Variants in TIGIT observed in about 807,000 individuals in gnomAD.
TIGIT encodes T-cell immunoreceptor with Ig and ITIM domains.
Under a neutral mutation model 19.6 loss-of-function variants are expected in TIGIT, and 11 were observed. The ratio of observed to expected loss-of-function variants is 0.56; its 90% CI spans 0.35 to 0.93. TIGIT has a LOEUF of 0.93. Among genes scored for constraint, TIGIT ranks in the 40% least tolerant of loss-of-function variants. The pLI is 0.01. For missense variants in TIGIT, 295 were observed against 303.9 expected (o/e 0.97, Z 0.22); for synonymous variants, 130 against 125.5 (o/e 1.04, Z -0.24).
intron 3 of TIGIT, among the ~76,000 whole-genome samples, chr3:114,300,135 A>G (rs13319989): frequency 0.62 from 94,288 of 152,048 alleles, 29,485 homozygotes; most frequent in East Asian, 0.91. Context: ...AAACACTCCA[A>G]AAATGTAGGG....
chr3:114,307,825 G>A (rs1207795718), intron 3 of TIGIT, 70 bp from the exon 4 acceptor site: 2 of 1,351,704 alleles, frequency 1.5e-6, no homozygotes, highest in Admixed American at 3.4e-5. Flanking sequence ...GGAAGAGAGA[G>A]ATGTCATATT....
In TIGIT at chr3:114,303,503, A is replaced by T. The variant is rs1001099678; in HGVS notation, c.498+3800A>T. Among the ~76,000 whole-genome samples the T allele has an allele frequency of 5.9e-5, 3 of 50,560 alleles. No individual in the cohort carries two copies. In the Admixed American group the frequency reaches 1.1e-3, roughly 18 times the overall value. The allele number at this position is 50,560 out of a possible 152,430, so 33.2% of individuals were successfully genotyped here. ...AGTATTCCATGGTGTGTATATATAT[A>T]TGTATATATATATACACATATATAT... On this transcript the variant is annotated intron_variant, in intron 3 of 3. Transcript: ENST00000383671.
intron 2 of TIGIT, 85 bp from the exon 3 acceptor site, chr3:114,299,512 C>T (rs1576138386): frequency 9.6e-7 from 1 of 1,038,534 alleles, no homozygotes. Context: ...ATCCTCCCCT[C>T]TCTGCCGTGA....
chr3:114,298,672 A>G (rs2078470443), intron 2 of TIGIT, among the ~76,000 whole-genome samples: 1 of 152,206 alleles, frequency 6.6e-6, no homozygotes, highest in Admixed American at 6.5e-5. Context: ...CAGGAGGAAC[A>G]TGTTCTGGGG....
At chr3:114,300,026 G>A (rs1172977471) in intron 3 of TIGIT, among the ~76,000 whole-genome samples, 1 of 152,088 alleles carries the variant, frequency 6.6e-6, no homozygotes. Flanking sequence ...TGCATCGTGG[G>A]CATCTATATA....
At chr3:114,303,573 GT>G (rs2078509118) in intron 3 of TIGIT, among the ~76,000 whole-genome samples, 1 of 46,668 alleles carries the variant, frequency 2.1e-5, no homozygotes. Flanking sequence ...ACATATATAT[GT>G]ATATATATAT....
rs2078479372 is a variant in TIGIT, at chr3:114,299,636, G to C, written c.431G>C (p.Gly144Ala). 1 of 1,613,380 alleles carries C rather than the reference G, an allele frequency of 6.2e-7. No homozygotes were observed. Among genetic ancestry groups the C allele is most frequent in the East Asian group, 2.2e-5 (1 of 44,878 alleles). ...HGARFQIPLL[G>A]AMAATLVVIC... ...GCCAGGTTCCAGATTCCATTGCTTG[G>C]AGCCATGGCCGCGACGCTGGTGGTC... is the stretch of plus-strand genomic sequence containing the variant. The change falls in exon 3 of 4, where the codon GGA becomes GCA. Residue 144 changes from glycine to alanine, a missense_variant. Physicochemically the swap from Gly to Ala is moderately conservative, Grantham distance 60. Transcript: ENST00000383671.
At chr3:114,296,528 A>G (rs2107947873) in intron 2 of TIGIT, among the ~76,000 whole-genome samples, 1 of 152,308 alleles carries the variant, frequency 6.6e-6, no homozygotes, top group East Asian at 1.9e-4. Context: ...TTCTCTGTGT[A>G]TCAGTTTTCT....
At chr3:114,307,432 GGAACCCCACGGTTT>G (rs1368897184) in intron 3 of TIGIT, 1 of 170,654 alleles carries the variant, frequency 5.9e-6, no homozygotes, top group Non-Finnish European at 1.3e-5. Flanking sequence ...AGAACCCTGG[GGAACCCCACGGTTT>G]GGGGAGCTGA....
In TIGIT at chr3:114,308,002, G is replaced by T. The variant is rs968341813; in HGVS notation, c.606G>T (p.Gln202His). 2.7e-5 allele frequency: 44 copies of T among 1,614,072 alleles called. No individual in the cohort carries two copies. Among genetic ancestry groups the T allele is most frequent in the Non-Finnish European group, 3.5e-5 (41 of 1,180,042 alleles). The change falls in exon 4 of 4, where the codon CAG becomes CAT. Residue 202 changes from glutamine to histidine, a missense_variant. Transcript: ENST00000383671. The part of the protein sequence containing the change: ...SAPSPPGSCV[Q>H]AEAAPAGLCG... ...CCTCACCCCCAGGAAGCTGTGTCCA[G>T]GCAGAAGCTGCACCTGCTGGGCTCT...
chr3:114,307,203 G>A (rs886158063), intron 3 of TIGIT, among the ~76,000 whole-genome samples: 24 of 152,198 alleles, frequency 1.6e-4, no homozygotes, highest in South Asian at 4.1e-4. Context: ...TGATGGTGTC[G>A]TTTGAGACAA....
At position 114,309,049 on chromosome 3, in the gene TIGIT, C is replaced by T. The variant is rs1326717854; in HGVS notation, c.*918C>T. On this transcript the variant is annotated 3_prime_UTR_variant, in exon 4 of 4. Coordinates refer to ENST00000383671, the MANE Select transcript of TIGIT (RefSeq NM_173799.4). ...GGAAGCCCCAGGAAACGCACATGCCCACACAGGGAGCCAAGTCGTAGCATT... is the reference window on the plus strand; with the variant it reads ...GGAAGCCCCAGGAAACGCACATGCCTACACAGGGAGCCAAGTCGTAGCATT... 2 of 152,234 alleles carry T rather than the reference C, an allele frequency of 1.3e-5. No individual in the cohort carries two copies. Among genetic ancestry groups the T allele is most frequent in the Non-Finnish European group, 2.9e-5 (2 of 68,078 alleles). The allele number at this position is 152,234 out of a possible 1,614,324, so 9.4% of individuals were successfully genotyped here. A position where few individuals can be genotyped will look rare whatever the true frequency, so the allele number is the denominator to read the frequency against.
intron 2 of TIGIT, among the ~76,000 whole-genome samples, chr3:114,298,832 C>T (rs1010284387): frequency 2.1e-4 from 32 of 152,314 alleles, no homozygotes; most frequent in African/African-American, 7.7e-4. Context: ...CCTACCTGAG[C>T]TGCTGGGGCA....
intron 2 of TIGIT, among the ~76,000 whole-genome samples, chr3:114,298,236 A>G (rs2078467739): frequency 1.3e-5 from 2 of 152,220 alleles, no homozygotes; most frequent in Non-Finnish European, 2.9e-5. Flanking sequence ...TTCTATGACC[A>G]TAACTGTGAA....
intron 3 of TIGIT, chr3:114,307,673 T>G: frequency 1.8e-6 from 1 of 549,990 alleles, no homozygotes. Flanking sequence ...ACAAGGTGTG[T>G]GGCACGTGGT....
At chr3:114,303,626 T>TACACAC (rs200398424) in intron 3 of TIGIT, among the ~76,000 whole-genome samples, 3 of 70,226 alleles carry the variant, frequency 4.3e-5, no homozygotes, top group Non-Finnish European at 1.1e-4. Flanking sequence ...TATATGTATA[T>TACACAC]ATATACACAC....
intron 3 of TIGIT, among the ~76,000 whole-genome samples, chr3:114,306,816 C>T (rs1039087380): frequency 6.6e-6 from 1 of 152,132 alleles, no homozygotes; most frequent in Non-Finnish European, 1.5e-5. Flanking sequence ...ATACAATTTA[C>T]AAATCCCCTG....
Position 114,307,198 on chromosome 3 carries a change from G to A in TIGIT, c.499-697G>A, listed in dbSNP as rs1161242876. On this transcript the variant is annotated intron_variant, in intron 3 of 3. Coordinates refer to ENST00000383671, the MANE Select transcript of TIGIT (RefSeq NM_173799.4). The stretch of plus-strand genomic sequence containing the variant: ...GGTTTGTTGGGGCAGGAATGTGATG[G>A]TGTCGTTTGAGACAATTTGAGTCTG... Among the ~76,000 whole-genome samples, 6 of 152,220 alleles carry A rather than the reference G, an allele frequency of 3.9e-5. No homozygotes were observed. In the East Asian group the frequency reaches 1.2e-3, roughly 29 times the overall value.
intron 3 of TIGIT, among the ~76,000 whole-genome samples, chr3:114,304,515 G>C (rs371242212): frequency 2.0e-5 from 3 of 152,250 alleles, no homozygotes; most frequent in African/African-American, 7.2e-5. Context: ...CAATATTGAC[G>C]CATTATCCCT....
Sources: allele counts gnomAD v4.1 joint callset (sites outside exome capture counted in the v4.1 genomes callset), GRCh38; gene constraint gnomAD v4.1.1; transcripts MANE v1.5; gene names NCBI Gene and HGNC (gene_info 2026-07-23, HGNC 2026-07-21).